ARHGAP6: variants seen among roughly 807,000 people sequenced by gnomAD.
ARHGAP6 encodes the protein Rho GTPase activating protein 6.
In ARHGAP6, 16 loss-of-function variants were observed where a neutral mutation model predicts 55.7. The observed-to-expected ratio is 0.29, with a 90% CI of 0.19 to 0.44. The LOEUF is 0.44. ARHGAP6 is among the 20% of genes least tolerant of loss of function. The pLI is 1.00. For synonymous variants in ARHGAP6, 382 were observed against 360.9 expected (o/e 1.06, Z -0.66); for missense variants, 698 against 808.9 (o/e 0.86, Z 1.66).
Position 11,489,254 on chromosome X carries a change from G to A in ARHGAP6, c.588+174987C>T, listed in dbSNP as rs62587965. ...GAACCAAGGGCTTCAGAGAAGAGAA[G>A]CTCTGAATAGCTGCTGAGGCCCAAT... is the stretch of plus-strand genomic sequence containing the variant. On this transcript the variant is annotated intron_variant, in intron 1 of 12. Coordinates refer to ENST00000337414, the MANE Select transcript of ARHGAP6 (RefSeq NM_013427.3). Among the ~76,000 whole-genome samples the A allele has an allele frequency of 6.9e-3, 772 of 111,990 alleles. 5 individuals carry two copies. The highest frequency in any genetic ancestry group is 8.8e-3 in the Non-Finnish European group (470 of 53,201).
At chrX:11,178,046 T>A in intron 8 of ARHGAP6, 54 bp downstream of exon 8, 2 of 1,205,432 alleles carry the variant, frequency 1.7e-6, no homozygotes, top group South Asian at 3.5e-5. Context: ...GTATGCCCTT[T>A]TAAAATAGGG....
chrX:11,347,271 T>C lies in ARHGAP6; in HGVS notation c.589-92564A>G, dbSNP rs150055445. On this transcript the variant is annotated intron_variant, in intron 1 of 12. Transcript: ENST00000337414. Reference sequence around the variant, plus strand: ...CTTCTATAGGGAGTAAAGATGATATTTGTGTTTTGACATAAGTAAAAGCTT... The same window carrying C: ...CTTCTATAGGGAGTAAAGATGATATCTGTGTTTTGACATAAGTAAAAGCTT... 3.9e-3 allele frequency among the ~76,000 whole-genome samples: 440 copies of C among 112,335 alleles called. 2 individuals are homozygous for C. Among genetic ancestry groups the C allele is most frequent in the African/African-American group, 0.013 (409 of 30,969 alleles).
intron 8 of ARHGAP6, among the ~76,000 whole-genome samples, chrX:11,175,064 C>A (rs1294156568): frequency 9.0e-6 from 1 of 111,433 alleles, no homozygotes; most frequent in Non-Finnish European, 1.9e-5. Context: ...GATACAAAAG[C>A]CTCCTAACTC....
chrX:11,339,404 G>A (rs1011079465), intron 1 of ARHGAP6, among the ~76,000 whole-genome samples: 3 of 109,561 alleles, frequency 2.7e-5, no homozygotes, highest in East Asian at 2.9e-4. Context: ...TCTCCCTCTC[G>A]TGCCCTTTCA....
chrX:11,438,341 A>T (rs1292037160), intron 1 of ARHGAP6, among the ~76,000 whole-genome samples: 1 of 112,451 alleles, frequency 8.9e-6, no homozygotes, highest in African/African-American at 3.2e-5. Context: ...AATTAACACA[A>T]ATAGGCCTAC....
chrX:11,416,382 A>G (rs1326004097), intron 1 of ARHGAP6, among the ~76,000 whole-genome samples: 5 of 111,799 alleles, frequency 4.5e-5, no homozygotes, highest in African/African-American at 1.6e-4. Context: ...AGTCATAATC[A>G]TATGGTAAAA....
At chrX:11,173,120 G>A (rs756636745) in intron 8 of ARHGAP6, among the ~76,000 whole-genome samples, 9 of 112,185 alleles carry the variant, frequency 8.0e-5, no homozygotes, top group Admixed American at 3.8e-4. Context: ...AAGCGAAGCT[G>A]GTGGCCCCAC....
At chrX:11,396,000 C>A (rs1336253373) in intron 1 of ARHGAP6, among the ~76,000 whole-genome samples, 1 of 110,960 alleles carries the variant, frequency 9.0e-6, no homozygotes, top group Non-Finnish European at 1.9e-5. Flanking sequence ...AAAATATTTT[C>A]TCTTTTCTGT....
chrX:11,248,645 T>G (rs1340089268), intron 2 of ARHGAP6, among the ~76,000 whole-genome samples: 1 of 112,099 alleles, frequency 8.9e-6, no homozygotes, highest in Non-Finnish European at 1.9e-5. Flanking sequence ...GATATACAAA[T>G]GGACAACAAA....
chrX:11,407,298 G>T (rs2049622104), intron 1 of ARHGAP6, among the ~76,000 whole-genome samples: 1 of 111,831 alleles, frequency 8.9e-6, no homozygotes, highest in African/African-American at 3.3e-5. Context: ...ATGTTTTCAA[G>T]GTTCATCCAT....
At chrX:11,608,602 G>C (rs1175926878) in intron 1 of ARHGAP6, among the ~76,000 whole-genome samples, 4 of 111,462 alleles carry the variant, frequency 3.6e-5, no homozygotes, top group Admixed American at 2.8e-4. Flanking sequence ...GTTTGGCTCT[G>C]TGCCCCCACC....
chrX:11,460,499 C>G (rs1443986163), intron 1 of ARHGAP6, among the ~76,000 whole-genome samples: 1 of 111,296 alleles, frequency 9.0e-6, no homozygotes, highest in Admixed American at 9.6e-5. Context: ...CCCACAGAAA[C>G]TGTGGGATAA....
intron 1 of ARHGAP6, among the ~76,000 whole-genome samples, chrX:11,603,777 G>A (rs1251548041): frequency 8.9e-6 from 1 of 112,004 alleles, no homozygotes; most frequent in African/African-American, 3.2e-5. Context: ...ATTTCTTAAA[G>A]GTGCACTTTT....
chrX:11,577,882 G>A (rs145864346), intron 1 of ARHGAP6, among the ~76,000 whole-genome samples: 1,194 of 110,965 alleles, frequency 0.011, 15 homozygotes, highest in Middle Eastern at 0.051. Flanking sequence ...TCTTTCGGCC[G>A]ATACCTATAT....
In ARHGAP6 at chrX:11,178,188, C is replaced by G. The variant is rs1243248370; in HGVS notation, c.1541G>C (p.Cys514Ser). ...LQLLIYLLPP[C>S]NCDTLHRLLQ... ...CAGGCGGTGGAGGGTGTCGCAGTTG[C>G]AGGGAGGTAGAAGGTATATGAGGAG... is the stretch of plus-strand genomic sequence containing the variant. Residue 514 changes from cysteine (C) to serine (S), a missense_variant, in exon 8 of 13, where the codon TGC becomes TCC. Cys to Ser is a moderately radical substitution (Grantham distance 112). Coordinates refer to ENST00000337414, the MANE Select transcript of ARHGAP6 (RefSeq NM_013427.3). 8 of 1,208,814 alleles carry G rather than the reference C, an allele frequency of 6.6e-6. No homozygotes were observed. Among genetic ancestry groups the G allele is most frequent in the Non-Finnish European group, 8.9e-6 (8 of 894,888 alleles).
intron 12 of ARHGAP6, among the ~76,000 whole-genome samples, chrX:11,141,065 A>G (rs2045613192): frequency 8.9e-6 from 1 of 112,048 alleles, no homozygotes; most frequent in Non-Finnish European, 1.9e-5. Context: ...TTAGAAAAGG[A>G]ATCAGCACTA....
At chrX:11,580,723 C>G (rs1343572264) in intron 1 of ARHGAP6, among the ~76,000 whole-genome samples, 1 of 112,130 alleles carries the variant, frequency 8.9e-6, no homozygotes. Context: ...ATAATGTTAG[C>G]TCTCTTTAAA....
chrX:11,649,241 T>C (rs2052560637), intron 1 of ARHGAP6, among the ~76,000 whole-genome samples: 1 of 111,472 alleles, frequency 9.0e-6, no homozygotes, highest in Non-Finnish European at 1.9e-5. Context: ...CACATGTGAA[T>C]GAAGACACCT....
intron 1 of ARHGAP6, among the ~76,000 whole-genome samples, chrX:11,542,400 G>C (rs993240082): frequency 9.0e-6 from 1 of 111,045 alleles, no homozygotes; most frequent in African/African-American, 3.3e-5. Context: ...CTTGAACTCG[G>C]GTGGCAGAGG....
Sources: allele counts gnomAD v4.1 joint callset (sites outside exome capture counted in the v4.1 genomes callset), GRCh38; gene constraint gnomAD v4.1.1; transcripts MANE v1.5; gene names NCBI Gene and HGNC (gene_info 2026-07-23, HGNC 2026-07-21).